Variants in KAT2A observed in about 807,000 individuals in gnomAD.
KAT2A encodes histone acetyltransferase KAT2A.
Under a neutral mutation model 95.2 loss-of-function variants are expected in KAT2A, and 42 were observed. The ratio of observed to expected loss-of-function variants is 0.44; its 90% CI spans 0.34 to 0.57. The LOEUF is 0.57. KAT2A is among the 20% of genes least tolerant of loss of function. The pLI is 0.01. For missense variants in KAT2A, 784 were observed against 1,126.3 expected, an observed-to-expected ratio of 0.70 and a Z score of 4.35; for synonymous variants, 449 against 448.2, an observed-to-expected ratio of 1.00 and a Z score of -0.02.
In KAT2A at chr17:42,119,756, G is replaced by C; in HGVS notation, c.700-38C>G. On this transcript the variant is annotated intron_variant, in intron 4 of 17. Coordinates refer to ENST00000225916, the MANE Select transcript of KAT2A (RefSeq NM_021078.3). The surrounding 1 kb of genome is among the most constrained non-coding windows in gnomAD (Gnocchi z 5.3). ...GGGTGGGGGATAAAACCAGGAATGA[G>C]GTGTGAGCAGCCCGCAGGGCCTTCT... 1 of 1,540,326 alleles carries C rather than the reference G, an allele frequency of 6.5e-7. No homozygotes were observed. Among genetic ancestry groups the C allele is most frequent in the Non-Finnish European group, 8.8e-7 (1 of 1,135,558 alleles).
At position 42,119,053 on chromosome 17, in the gene KAT2A, C is replaced by T; in HGVS notation, c.1073+192G>A. Reference sequence around the variant, plus strand: ...GGGCAGCGTTAGCTTGGGCTATGTACCTGCCATCCCCAGACTAGTACTAGC... The same window carrying T: ...GGGCAGCGTTAGCTTGGGCTATGTATCTGCCATCCCCAGACTAGTACTAGC... On this transcript the variant is annotated intron_variant, in intron 6 of 17. Transcript: ENST00000225916. This position sits in a 1 kb window ranked among gnomAD's most constrained non-coding sequence, Gnocchi z 5.3. The T allele has an allele frequency of 7.0e-7, 1 of 1,429,492 alleles. No homozygotes were observed. Among genetic ancestry groups the T allele is most frequent in the Non-Finnish European group, 9.2e-7 (1 of 1,092,862 alleles). 88.6% of individuals were successfully genotyped at this position (1,429,492 alleles called of 1,614,324 possible).
At position 42,118,437 on chromosome 17, in the gene KAT2A, G is replaced by A. The variant is rs546655929; in HGVS notation, c.1074-34C>T. 4.9e-5 allele frequency: 72 copies of A among 1,463,010 alleles called. 2 individuals carry two copies. The highest frequency in any genetic ancestry group is 4.0e-4 in the African/African-American group (29 of 71,970). 90.6% of individuals were successfully genotyped at this position (1,463,010 alleles called of 1,614,324 possible). A position where few individuals can be genotyped will look rare whatever the true frequency, so the allele number is the denominator to read the frequency against. ...AGGACACAGTCTGTCCCACAACTCT[G>A]TTCTCCAGGGTGCAGCCTGGGCCAG... On this transcript the variant is annotated intron_variant, in intron 6 of 17. Transcript: ENST00000225916.
At position 42,114,746 on chromosome 17, in the gene KAT2A, G is replaced by T; in HGVS notation, c.2020-142C>A. On this transcript the variant is annotated intron_variant, in intron 13 of 17. Coordinates refer to ENST00000225916, the MANE Select transcript of KAT2A (RefSeq NM_021078.3). The surrounding 1 kb of genome is among the most constrained non-coding windows in gnomAD (Gnocchi z 6.0). ...CTCCCCTCATAACTTCCCCAAGGGA[G>T]CAGAGCAAGAGCCAAGATCCTGGCC... 2 of 1,183,366 alleles carry T rather than the reference G, an allele frequency of 1.7e-6. No individual in the cohort carries two copies. The highest frequency in any genetic ancestry group is 1.4e-5 in the South Asian group (1 of 73,542). 73.3% of individuals were successfully genotyped at this position (1,183,366 alleles called of 1,614,324 possible).
At position 42,114,925 on chromosome 17, in the gene KAT2A, C is replaced by T; in HGVS notation, c.1986G>A (p.Thr662=). 2 of 1,614,070 alleles carry T rather than the reference C, an allele frequency of 1.2e-6. No homozygotes were observed. Among genetic ancestry groups the T allele is most frequent in the Non-Finnish European group, 1.7e-6 (2 of 1,179,988 alleles). Residue 662 remains threonine, a synonymous_variant, in exon 13 of 18, where the codon ACG becomes ACA. Coordinates refer to ENST00000225916, the MANE Select transcript of KAT2A (RefSeq NM_021078.3). This position sits in a 1 kb window ranked among gnomAD's most constrained non-coding sequence, Gnocchi z 6.0. ...ECELNPRIPY[T]ELSHIIKKQK... is the part of the protein sequence containing the mutation. ...GCTTCTTGATGATGTGGGACAGCTC[C>T]GTGTAGGGGATGCGGGGATTCAGCT...
At position 42,120,839 on chromosome 17, in the gene KAT2A, G is replaced by A. The variant is rs370945970; in HGVS notation, c.340-10C>T. On this transcript the variant is annotated splice_polypyrimidine_tract_variant and intron_variant, in intron 1 of 17. Transcript: ENST00000225916. ...TACAGGTTTCATTGGCCTGGAGGTGGAAGGATCAGTCAATGACCTATACCT... is the reference window on the plus strand; with the variant it reads ...TACAGGTTTCATTGGCCTGGAGGTGAAAGGATCAGTCAATGACCTATACCT... 1.0e-5 allele frequency: 16 copies of A among 1,606,494 alleles called. No homozygotes were observed. In the African/African-American group the frequency reaches 1.5e-4, roughly 15 times the overall value.
intron 2 of KAT2A, 72 bp downstream of exon 2, chr17:42,120,634 T>A (rs1398540992): frequency 6.3e-7 from 1 of 1,590,876 alleles, no homozygotes; most frequent in Non-Finnish European, 8.6e-7. Flanking sequence ...GATGAAGCTT[T>A]GTGGCACTTG....
chr17:42,121,219 G>T lies in KAT2A; in HGVS notation c.86C>A (p.Thr29Asn). The T allele has an allele frequency of 7.5e-7, 1 of 1,341,866 alleles. No individual in the cohort carries two copies. The highest frequency in any genetic ancestry group is 9.8e-7 in the Non-Finnish European group (1 of 1,015,336). The allele number at this position is 1,341,866 out of a possible 1,614,324, so 83.1% of individuals were successfully genotyped here. A position where few individuals can be genotyped will look rare whatever the true frequency, so the allele number is the denominator to read the frequency against. ...GGCTGAAGCCGGGCTGGGTGCAGGA[G>T]TCGGAGTTGGGGCAGGGGCTGGGGA... ...LQSPAPAPTP[T>N]PAPSPASAPI... The change falls in exon 1 of 18, where the codon ACT becomes AAT. Residue 29 changes from threonine (T) to asparagine (N), a missense_variant. By Grantham distance (65) the Thr-to-Asn change is moderately conservative. Around this residue, in one of 6 missense-constraint regions of KAT2A, gnomAD observed 142 missense variants for 123.2 expected, o/e 1.15. Coordinates refer to ENST00000225916, the MANE Select transcript of KAT2A (RefSeq NM_021078.3).
At position 42,117,771 on chromosome 17, in the gene KAT2A, G is replaced by T; in HGVS notation, c.1335C>A (p.Ala445=). 6.2e-7 allele frequency: 1 copy of T among 1,614,034 alleles called. No homozygotes were observed. The highest frequency in any genetic ancestry group is 8.5e-7 in the Non-Finnish European group (1 of 1,179,912). ...TLPENLTLED[A]KRLRVMGDIP... ...TGTCACCCATCACACGGAGCCGCTT[G>T]GCATCCTCCAGGGTCAGGTTCTCTG... The change falls in exon 9 of 18, where the codon GCC becomes GCA. Residue 445 remains alanine, a synonymous_variant. Transcript: ENST00000225916. The surrounding 1 kb of genome is among the most constrained non-coding windows in gnomAD (Gnocchi z 8.9).
intron 11 of KAT2A, 107 bp from the exon 12 acceptor site, chr17:42,115,940 A>C: frequency 8.1e-6 from 6 of 742,098 alleles, no homozygotes; most frequent in Non-Finnish European, 1.5e-5. Context: ...AGGTAGAGAG[A>C]GCGAGAGCAT....
Position 42,121,288 on chromosome 17 carries a change from T to C in KAT2A, c.17A>G (p.Gln6Arg). MAEPS[Q>R]APTPAPAAQP... ...CGCAGCCGGGGCCGGGGTCGGGGCC[T>C]GGGAAGGTTCCGCCATGGCCTCCCC... Residue 6 changes from glutamine (Q) to arginine (R), a missense_variant, in exon 1 of 18, where the codon CAG becomes CGG. Around this residue, in one of 6 missense-constraint regions of KAT2A, gnomAD observed 142 missense variants for 123.2 expected, o/e 1.15. Transcript: ENST00000225916. 7.3e-7 allele frequency: 1 copy of C among 1,375,204 alleles called. No individual in the cohort carries two copies. Among genetic ancestry groups the C allele is most frequent in the Non-Finnish European group, 9.3e-7 (1 of 1,071,862 alleles). 85.2% of individuals were successfully genotyped at this position (1,375,204 alleles called of 1,614,324 possible).
In KAT2A at chr17:42,118,020, G is replaced by T; in HGVS notation, c.1181-3C>A. 7.0e-7 allele frequency: 1 copy of T among 1,425,134 alleles called. No homozygotes were observed. The highest frequency in any genetic ancestry group is 9.4e-7 in the Non-Finnish European group (1 of 1,064,832). 88.3% of individuals were successfully genotyped at this position (1,425,134 alleles called of 1,614,324 possible). A position where few individuals can be genotyped will look rare whatever the true frequency, so the allele number is the denominator to read the frequency against. On this transcript the variant is annotated splice_polypyrimidine_tract_variant and splice_region_variant and intron_variant, in intron 7 of 17. Transcript: ENST00000225916. ...AACAACCGCTGCACTGACTGAAGCTGAGGAGAGAGAGAGACGTCAGGGATG... is the reference window on the plus strand; with the variant it reads ...AACAACCGCTGCACTGACTGAAGCTTAGGAGAGAGAGAGACGTCAGGGATG...
intron 11 of KAT2A, 32 bp from the exon 12 acceptor site, chr17:42,115,865 G>T: frequency 8.1e-7 from 1 of 1,240,520 alleles, no homozygotes; most frequent in Non-Finnish European, 1.2e-6. Flanking sequence ...CTCACCAGGA[G>T]CTGAGGATGG....
Position 42,115,007 on chromosome 17 carries a change from T to C in KAT2A, c.1904A>G (p.Lys635Arg), listed in dbSNP as rs1555665676. 6.2e-7 allele frequency: 1 copy of C among 1,613,978 alleles called. No homozygotes were observed. Among genetic ancestry groups the C allele is most frequent in the Non-Finnish European group, 8.5e-7 (1 of 1,179,942 alleles). Residue 635 changes from lysine (K) to arginine (R), a missense_variant, in exon 13 of 18, where the codon AAG becomes AGG. Transcript: ENST00000225916. ...QGFSKDIKVP[K>R]SRYLGYIKDY... Reference sequence around the variant, plus strand: ...CTTGATGTAGCCCAGGTAGCGGCTCTTGGGCACCTTGATGTCCTTGGAGAA... The same window carrying C: ...CTTGATGTAGCCCAGGTAGCGGCTCCTGGGCACCTTGATGTCCTTGGAGAA...
rs2054318186 is a variant in KAT2A at position 42,120,345 on chromosome 17, A to G, written c.489T>C (p.Asn163=). The G allele has an allele frequency of 1.2e-6, 2 of 1,614,218 alleles. No homozygotes were observed. Among genetic ancestry groups the G allele is most frequent in the Non-Finnish European group, 1.7e-6 (2 of 1,180,032 alleles). ...PLADHVSHLE[N]VSEDEINRLL... is the part of the protein sequence containing the mutation. The stretch of plus-strand genomic sequence containing the variant: ...GTCGGTTTATCTCATCCTCTGACAC[A>G]TTCTCCAAGTGGGATACGTGGTCAG... The change falls in exon 3 of 18, where the codon AAT becomes AAC. Residue 163 remains asparagine (N), a synonymous_variant. Transcript: ENST00000225916.
At chr17:42,116,774 T>C (rs2054264013) in intron 11 of KAT2A, among the ~76,000 whole-genome samples, 1 of 152,336 alleles carries the variant, frequency 6.6e-6, no homozygotes, top group Non-Finnish European at 1.5e-5. Flanking sequence ...CCCATGTATG[T>C]AAATGTTCTT....
At chr17:42,118,213 G>C in intron 7 of KAT2A, 84 bp downstream of exon 7, 1 of 1,119,256 alleles carries the variant, frequency 8.9e-7, no homozygotes, top group Non-Finnish European at 1.3e-6. Flanking sequence ...CAGGGCCTCC[G>C]GCCCAGGTGA....
Position 42,113,188 on chromosome 17 carries a change from C to T in KAT2A, c.*461G>A. The T allele has an allele frequency of 6.4e-6, 1 of 156,896 alleles. No homozygotes were observed. Among genetic ancestry groups the T allele is most frequent in the South Asian group, 1.8e-4 (1 of 5,454 alleles). 9.7% of individuals were successfully genotyped at this position (156,896 alleles called of 1,614,324 possible). ...ATGAATGGTCCCCATACCCCCCACC[C>T]CTGGGGGAGACTGACAGAACAGTGC... On this transcript the variant is annotated 3_prime_UTR_variant, in exon 18 of 18. Transcript: ENST00000225916.
In KAT2A at chr17:42,114,342, C is replaced by G; in HGVS notation, c.2171+16G>C. On this transcript the variant is annotated intron_variant, in intron 15 of 17. Coordinates refer to ENST00000225916, the MANE Select transcript of KAT2A (RefSeq NM_021078.3). This position sits in a 1 kb window ranked among gnomAD's most constrained non-coding sequence, Gnocchi z 6.0. ...TCCCTCTGCCCCACCCCCAACCCGG[C>G]TCCTTTGACACTCACCCCTTCTCCT... The G allele has an allele frequency of 6.2e-7, 1 of 1,614,026 alleles. No homozygotes were observed. The highest frequency in any genetic ancestry group is 8.5e-7 in the Non-Finnish European group (1 of 1,179,942).
Position 42,119,192 on chromosome 17 carries a change from C to T in KAT2A, c.1073+53G>A. On this transcript the variant is annotated intron_variant, in intron 6 of 17. Coordinates refer to ENST00000225916, the MANE Select transcript of KAT2A (RefSeq NM_021078.3). The surrounding 1 kb of genome is among the most constrained non-coding windows in gnomAD (Gnocchi z 5.3). ...AGCCTTCCTGGAAAAAAGGGGACAA[C>T]AGGGAGGATGTGAACTTGGGGCCAA... 6.4e-7 allele frequency: 1 copy of T among 1,552,810 alleles called. No individual in the cohort carries two copies.
Sources: allele counts gnomAD v4.1 joint callset (sites outside exome capture counted in the v4.1 genomes callset), GRCh38; gene constraint gnomAD v4.1.1; regional missense constraint gnomAD v4.1.1; non-coding constraint Gnocchi (gnomAD v3.1); transcripts MANE v1.5; gene names NCBI Gene and HGNC (gene_info 2026-07-23, HGNC 2026-07-21).